Variants in WDR88 observed in about 807,000 individuals in gnomAD.
WDR88 encodes WD repeat domain 88.
Under a neutral mutation model 46.8 loss-of-function variants are expected in WDR88, and 40 were observed. That is an observed-to-expected ratio of 0.86 (90% CI 0.66 to 1.11). WDR88 has a LOEUF of 1.11. Ranked by LOEUF, WDR88 falls within the 50% of genes most tolerant of loss-of-function variation. WDR88 has a pLI of 0.00. For synonymous variants in WDR88, 235 were observed against 240.7 expected (o/e 0.98, Z 0.22); for missense variants, 562 against 602.4 (o/e 0.93, Z 0.70).
chr19:33,156,355 G>T lies in WDR88; in HGVS notation c.810G>T (p.Lys270Asn), dbSNP rs1230580877. 6.2e-7 allele frequency: 1 copy of T among 1,613,626 alleles called. No homozygotes were observed. Residue 270 changes from lysine to asparagine, a missense_variant and splice_region_variant, in exon 7 of 11, where the codon AAG becomes AAT. Coordinates refer to ENST00000355868, the MANE Select transcript of WDR88 (RefSeq NM_173479.4). ...GTGCACCCCACCATCTGTGTTTCAG[G>T]GCACATTCCAATGCAATCTCAAACT... Reference protein sequence around the residue: ...TSQATLLTITKAHSNAISNCC... With the variant: ...TSQATLLTITNAHSNAISNCC...
Position 33,155,011 on chromosome 19 carries a change from G to A in WDR88, c.810-1344G>A, listed in dbSNP as rs1032888154. ...ATCCAGGCTACTCAGAGAAAACTCT[G>A]CTTACAAGAGGAGGTGAGAATCACA... On this transcript the variant is annotated intron_variant, in intron 6 of 10. Transcript: ENST00000355868. 2.6e-5 allele frequency among the ~76,000 whole-genome samples: 4 copies of A among 152,288 alleles called. No individual in the cohort carries two copies. The East Asian group carries it at 7.7e-4, about 29-fold the overall frequency.
At chr19:33,140,315 T>C (rs573996675) in intron 2 of WDR88, among the ~76,000 whole-genome samples, 61 of 152,090 alleles carry the variant, frequency 4.0e-4, no homozygotes, top group African/African-American at 1.4e-3. Flanking sequence ...CCACCACACC[T>C]AGCTAATTTT....
chr19:33,137,406 C>T (rs1368730048), intron 1 of WDR88, among the ~76,000 whole-genome samples: 2 of 152,042 alleles, frequency 1.3e-5, no homozygotes, highest in African/African-American at 2.4e-5. Flanking sequence ...GCATGCGCCA[C>T]CATGCCCAGC....
At chr19:33,157,679 G>GTGTA (rs1973778416) in intron 7 of WDR88, among the ~76,000 whole-genome samples, 1 of 94,206 alleles carries the variant, frequency 1.1e-5, no homozygotes, top group Non-Finnish European at 1.8e-5. Context: ...GTGTGTGTGT[G>GTGTA]TATGTATGTA....
chr19:33,172,896 C>G (rs906227127), intron 10 of WDR88, among the ~76,000 whole-genome samples: 1 of 151,804 alleles, frequency 6.6e-6, no homozygotes, highest in African/African-American at 2.4e-5. Flanking sequence ...TCGAGACCAG[C>G]CTGGCCAACA....
intron 8 of WDR88, 52 bp downstream of exon 8, chr19:33,160,548 TC>T: frequency 6.3e-7 from 1 of 1,591,912 alleles, no homozygotes; most frequent in Non-Finnish European, 8.6e-7. Flanking sequence ...CCCGAGTCCT[TC>T]CTGTGCTCAA....
At chr19:33,146,436 C>G (rs1157039728) in intron 3 of WDR88, among the ~76,000 whole-genome samples, 2 of 111,486 alleles carry the variant, frequency 1.8e-5, no homozygotes, top group South Asian at 2.9e-4. Flanking sequence ...GTCCTATTTC[C>G]TTCCTTCCTT....
At chr19:33,147,754 TTGACCAA>T (rs1383106766) in intron 4 of WDR88, 46 bp downstream of exon 4, 2 of 1,589,856 alleles carry the variant, frequency 1.3e-6, no homozygotes, top group Non-Finnish European at 1.7e-6. Context: ...GCCCAGGGGC[TTGACCAA>T]GCCTCAGGCA....
rs755692933 is a variant in WDR88 at position 33,157,527 on chromosome 19, ATATATATATATATGTATATATATGTG to A, written c.997+997_997+1022del. Reference sequence around the variant, plus strand: ...TATATATATATGTATATATATGTGTATATATATATATATGTATATATATGTGTATATATATATGTATATATGTGTAT... The same window carrying A: ...TATATATATATGTATATATATGTGTATATATATATATGTATATATGTGTAT... On this transcript the variant is annotated intron_variant, in intron 7 of 10. Transcript: ENST00000355868. 0.023 allele frequency among the ~76,000 whole-genome samples: 1,068 copies of A among 46,452 alleles called. 13 individuals are homozygous for A. In the African/African-American group the frequency reaches 0.27, roughly 12 times the overall value. 30.5% of individuals were successfully genotyped at this position (46,452 alleles called of 152,430 possible). A position where few individuals can be genotyped will look rare whatever the true frequency, so the allele number is the denominator to read the frequency against.
chr19:33,175,647 C>T lies in WDR88; in HGVS notation c.*75C>T. ...GGTTTCGGGGCTTTGCAGGGGCTTT[C>T]TCTTGGGCCCCTCCCAGGCTCAGCA... On this transcript the variant is annotated 3_prime_UTR_variant, in exon 11 of 11. Transcript: ENST00000355868. 1 of 1,558,100 alleles carries T rather than the reference C, an allele frequency of 6.4e-7. No homozygotes were observed.
intron 10 of WDR88, chr19:33,174,143 G>A (rs1227896422): frequency 3.3e-6 from 5 of 1,535,060 alleles, no homozygotes; most frequent in African/African-American, 1.4e-5. Context: ...CAAGCTATCC[G>A]CACCCAAACT....
chr19:33,165,357 A>AG (rs1173519104), intron 9 of WDR88, among the ~76,000 whole-genome samples: 1 of 152,072 alleles, frequency 6.6e-6, no homozygotes, highest in East Asian at 1.9e-4. Flanking sequence ...CAAACATATC[A>AG]GAAAAAAAAA....
chr19:33,132,187 G>A lies in WDR88; in HGVS notation c.18G>A (p.Arg6=). The A allele has an allele frequency of 6.3e-7, 1 of 1,598,276 alleles. No individual in the cohort carries two copies. The change falls in exon 1 of 11, where the codon CGG becomes CGA. Residue 6 remains arginine (R), a synonymous_variant. Coordinates refer to ENST00000355868, the MANE Select transcript of WDR88 (RefSeq NM_173479.4). ...GCTTCGAGATGGCCTCCCCGCCGCG[G>A]TGCTCCCCGACAGCCCATGACAGGG... The part of the protein sequence containing the change: MASPP[R]CSPTAHDREC...
Position 33,147,713 on chromosome 19 carries a change from G to A in WDR88, c.540+5G>A, listed in dbSNP as rs554555529. The stretch of plus-strand genomic sequence containing the variant: ...CTGGAGACAGGCAAGCTGCTGGTAC[G>A]TATGCCTGTCCAGTGGGGGCGTTGG... On this transcript the variant is annotated splice_donor_5th_base_variant and intron_variant, in intron 4 of 10. Transcript: ENST00000355868. The A allele has an allele frequency of 1.7e-5, 28 of 1,613,514 alleles. No homozygotes were observed. Among genetic ancestry groups the A allele is most frequent in the African/African-American group, 1.2e-4 (9 of 75,024 alleles).
chr19:33,144,832 C>T lies in WDR88; in HGVS notation c.388-12C>T, dbSNP rs377498566. On this transcript the variant is annotated splice_polypyrimidine_tract_variant and intron_variant, in intron 2 of 10. Transcript: ENST00000355868. ...GACCACTCTCTTCTCCTCTCTCTCC[C>T]GTTGATTTGAGGATCCGGTGGACGG... 13 of 1,612,244 alleles carry T rather than the reference C, an allele frequency of 8.1e-6. No individual in the cohort carries two copies. The highest frequency in any genetic ancestry group is 5.0e-5 in the Admixed American group (3 of 59,776).
At chr19:33,142,851 CAAAAAAAAAAAAAAA>C (rs74174644) in intron 2 of WDR88, 1 of 19,532 alleles carries the variant, frequency 5.1e-5, no homozygotes, top group East Asian at 2.7e-3. Context: ...ACTAAAAATA[CAAAAAAAAAAAAAAA>C]AAAAAAAAAA....
chr19:33,151,947 T>G (rs899373718), intron 6 of WDR88, among the ~76,000 whole-genome samples: 2 of 151,486 alleles, frequency 1.3e-5, no homozygotes, highest in African/African-American at 2.4e-5. Flanking sequence ...AAAAAAATTT[T>G]GGGGCTGGGC....
intron 9 of WDR88, among the ~76,000 whole-genome samples, chr19:33,165,989 G>A (rs917595921): frequency 1.3e-5 from 2 of 151,984 alleles, no homozygotes; most frequent in African/African-American, 4.8e-5. Flanking sequence ...GCTGGGCATG[G>A]TGGCTCATGC....
At position 33,167,704 on chromosome 19, in the gene WDR88, C is replaced by T. The variant is rs561406036; in HGVS notation, c.1149+3439C>T. ...TCCTTCCTTCTGTCCTTTCTTTCTTCCTTCCTTCAATCCTTCCTTCCTGCC... is the reference window on the plus strand; with the variant it reads ...TCCTTCCTTCTGTCCTTTCTTTCTTTCTTCCTTCAATCCTTCCTTCCTGCC... On this transcript the variant is annotated intron_variant, in intron 9 of 10. Coordinates refer to ENST00000355868, the MANE Select transcript of WDR88 (RefSeq NM_173479.4). Among the ~76,000 whole-genome samples the T allele has an allele frequency of 2.0e-5, 3 of 151,404 alleles. No homozygotes were observed. In the South Asian group the frequency reaches 6.3e-4, roughly 32 times the overall value.
Sources: allele counts gnomAD v4.1 joint callset (sites outside exome capture counted in the v4.1 genomes callset), GRCh38; gene constraint gnomAD v4.1.1; transcripts MANE v1.5; gene names NCBI Gene and HGNC (gene_info 2026-07-23, HGNC 2026-07-21).